AMDHD1: variants seen among roughly 807,000 people sequenced by gnomAD.
AMDHD1 encodes the protein amidohydrolase domain containing 1, also known as probable imidazolonepropionase.
Under a neutral mutation model 44.1 loss-of-function variants are expected in AMDHD1, and 45 were observed. The ratio of observed to expected loss-of-function variants is 1.02; its 90% CI spans 0.80 to 1.31. The LOEUF (loss-of-function observed/expected upper bound fraction) is 1.31. AMDHD1 is among the 50% of genes most tolerant of loss of function. The pLI is 0.00. For synonymous variants in AMDHD1, 206 were observed against 205.0 expected (o/e 1.00, Z -0.04); for missense variants, 586 against 552.1 (o/e 1.06, Z -0.61).
Position 95,968,628 on chromosome 12 carries a change from G to A in AMDHD1, c.*785G>A, listed in dbSNP as rs1312455744. ...TTCCTTTCAGCCTGGAAGTAGATCA[G>A]CAGCGTTGTCTATTAGAGTTTTTAG... On this transcript the variant is annotated 3_prime_UTR_variant, in exon 9 of 9. Coordinates refer to ENST00000266736, the MANE Select transcript of AMDHD1 (RefSeq NM_152435.3). 6.6e-6 allele frequency: 1 copy of A among 152,222 alleles called. No homozygotes were observed. 9.4% of individuals were successfully genotyped at this position (152,222 alleles called of 1,614,324 possible). A position where few individuals can be genotyped will look rare whatever the true frequency, so the allele number is the denominator to read the frequency against.
At chr12:95,957,909 G>C (rs7969919) in intron 4 of AMDHD1, among the ~76,000 whole-genome samples, 81,219 of 151,818 alleles carry the variant, frequency 0.53, 22,334 homozygotes, top group African/African-American at 0.66. Context: ...AAAAATTAGC[G>C]AGGCGTGGTG....
chr12:95,960,865 G>T (rs2080577856), intron 5 of AMDHD1, among the ~76,000 whole-genome samples: 1 of 152,070 alleles, frequency 6.6e-6, no homozygotes. Flanking sequence ...AATAGCAAAA[G>T]AATTGGCTGG....
intron 6 of AMDHD1, among the ~76,000 whole-genome samples, chr12:95,963,025 G>A (rs532528543): frequency 1.3e-5 from 2 of 152,214 alleles, no homozygotes; most frequent in African/African-American, 2.4e-5. Flanking sequence ...AATATACTTA[G>A]TTCGTCTGTT....
At chr12:95,952,603 C>A (rs2080530002) in intron 1 of AMDHD1, 114 bp from the exon 2 acceptor site, 1 of 678,478 alleles carries the variant, frequency 1.5e-6, no homozygotes, top group Non-Finnish European at 2.5e-6. Context: ...GATAGAAGCA[C>A]AGTAAATGTT....
chr12:95,961,230 G>T (rs1192281191), intron 5 of AMDHD1, among the ~76,000 whole-genome samples: 1 of 151,730 alleles, frequency 6.6e-6, no homozygotes, highest in Non-Finnish European at 1.5e-5. Flanking sequence ...GGCACACAAA[G>T]CCACACTAGC....
At chr12:95,954,830 A>C in intron 2 of AMDHD1, 81 bp from the exon 3 acceptor site, 1 of 1,289,694 alleles carries the variant, frequency 7.8e-7, no homozygotes, top group Non-Finnish European at 1.1e-6. Flanking sequence ...CCAGAGCAGC[A>C]GGGTATAGTG....
At chr12:95,946,000 T>C (rs1227219148) in intron 1 of AMDHD1, among the ~76,000 whole-genome samples, 1 of 152,076 alleles carries the variant, frequency 6.6e-6, no homozygotes, top group East Asian at 1.9e-4. Flanking sequence ...ACCATTGTGT[T>C]CATTCATTTA....
At chr12:95,945,854 A>G (rs2080492996) in intron 1 of AMDHD1, among the ~76,000 whole-genome samples, 1 of 152,126 alleles carries the variant, frequency 6.6e-6, no homozygotes, top group Non-Finnish European at 1.5e-5. Flanking sequence ...AGTAAGATCA[A>G]CTAATAGTTA....
chr12:95,948,348 T>C (rs367993898), intron 1 of AMDHD1, among the ~76,000 whole-genome samples: 9,816 of 27,002 alleles, frequency 0.36, 2,407 homozygotes, highest in East Asian at 0.81. Flanking sequence ...CCGCCCCGTC[T>C]GGGAGGGAGG....
Position 95,967,885 on chromosome 12 carries a change from T to A in AMDHD1, c.*42T>A. 1 of 1,286,152 alleles carries A rather than the reference T, an allele frequency of 7.8e-7. No individual in the cohort carries two copies. Among genetic ancestry groups the A allele is most frequent in the South Asian group, 1.4e-5 (1 of 73,030 alleles). 79.7% of individuals were successfully genotyped at this position (1,286,152 alleles called of 1,614,324 possible). A position where few individuals can be genotyped will look rare whatever the true frequency, so the allele number is the denominator to read the frequency against. On this transcript the variant is annotated 3_prime_UTR_variant, in exon 9 of 9. Coordinates refer to ENST00000266736, the MANE Select transcript of AMDHD1 (RefSeq NM_152435.3). ...AGACTTTTTGACTATATGAAATAAG[T>A]CAATATAGTTATATTAAAAGTTAAA...
At chr12:95,965,173 C>T (rs1053223915) in intron 6 of AMDHD1, among the ~76,000 whole-genome samples, 1 of 151,742 alleles carries the variant, frequency 6.6e-6, no homozygotes, top group Non-Finnish European at 1.5e-5. Flanking sequence ...GTGGTGGGTG[C>T]CTGTAGTCCC....
Position 95,943,396 on chromosome 12 carries a change from G to C in AMDHD1, c.-3G>C, listed in dbSNP as rs956790305. On this transcript the variant is annotated 5_prime_UTR_variant, in exon 1 of 9. Coordinates refer to ENST00000266736, the MANE Select transcript of AMDHD1 (RefSeq NM_152435.3). ...CTCCCGGCGACCCTCGGCGCGAGGC[G>C]ACATGGCAAGCGGCCACAGCCTCCT... 1.3e-6 allele frequency: 2 copies of C among 1,494,960 alleles called. No homozygotes were observed. Among genetic ancestry groups the C allele is most frequent in the South Asian group, 1.2e-5 (1 of 80,590 alleles). The allele number at this position is 1,494,960 out of a possible 1,614,324, so 92.6% of individuals were successfully genotyped here. A position where few individuals can be genotyped will look rare whatever the true frequency, so the allele number is the denominator to read the frequency against.
intron 6 of AMDHD1, among the ~76,000 whole-genome samples, chr12:95,963,857 T>C (rs4762257): frequency 0.53 from 81,176 of 151,736 alleles, 22,318 homozygotes; most frequent in African/African-American, 0.66. Flanking sequence ...ATGGTTGAAC[T>C]CCGTCTCTAT....
At chr12:95,944,895 A>G (rs1213355520) in intron 1 of AMDHD1, among the ~76,000 whole-genome samples, 1 of 152,112 alleles carries the variant, frequency 6.6e-6, no homozygotes, top group African/African-American at 2.4e-5. Context: ...GCACTTTGGG[A>G]AGCTGAGGCA....
At position 95,960,405 on chromosome 12, in the gene AMDHD1, A is replaced by T. The variant is rs1173014782; in HGVS notation, c.595A>T (p.Thr199Ser). The T allele has an allele frequency of 6.8e-6, 11 of 1,613,484 alleles. No individual in the cohort carries two copies. The highest frequency in any genetic ancestry group is 1.3e-5 in the African/African-American group (1 of 74,876). The change falls in exon 5 of 9, where the codon ACT (threonine) becomes TCT (serine). Residue 199 changes from threonine to serine, a missense_variant. By Grantham distance (58) the Thr-to-Ser change is moderately conservative (BLOSUM62 1). Transcript: ENST00000266736. ...CGAHSVPKGK[T>S]ATEAADDIIN... ...TCTCATTTTCTTCCCCAGAGGAAAAACTGCTACTGAAGCTGCTGATGACAT... is the reference window on the plus strand; with the variant it reads ...TCTCATTTTCTTCCCCAGAGGAAAATCTGCTACTGAAGCTGCTGATGACAT...
intron 6 of AMDHD1, 25 bp downstream of exon 6, chr12:95,962,504 C>CT (rs398098409): frequency 2.5e-6 from 4 of 1,584,284 alleles, no homozygotes; most frequent in Non-Finnish European, 2.6e-6. Flanking sequence ...CACCCCAGAC[C>CT]AAGAGCTGCA....
intron 1 of AMDHD1, among the ~76,000 whole-genome samples, chr12:95,950,847 C>T (rs541363877): frequency 1.3e-3 from 188 of 149,118 alleles, no homozygotes; most frequent in Non-Finnish European, 2.3e-3. Context: ...CATCATGTGT[C>T]CAGCTAAAAT....
intron 1 of AMDHD1, among the ~76,000 whole-genome samples, chr12:95,945,875 T>C (rs1376312293): frequency 1.3e-5 from 2 of 151,990 alleles, no homozygotes; most frequent in Non-Finnish European, 2.9e-5. Context: ...ATCCCCTATA[T>C]GCTATAGATA....
At chr12:95,945,398 G>A (rs1159764452) in intron 1 of AMDHD1, among the ~76,000 whole-genome samples, 1 of 152,176 alleles carries the variant, frequency 6.6e-6, no homozygotes, top group African/African-American at 2.4e-5. Context: ...CTCGGTACAG[G>A]ATGGTGTTGT....
Sources: allele counts gnomAD v4.1 joint callset (sites outside exome capture counted in the v4.1 genomes callset), GRCh38; gene constraint gnomAD v4.1.1; transcripts MANE v1.5; gene names NCBI Gene and HGNC (gene_info 2026-07-23, HGNC 2026-07-21).